TEAD1: variants seen among roughly 807,000 people sequenced by gnomAD.
TEAD1 encodes TEA domain transcription factor 1.
TEAD1 carries 9 observed loss-of-function variants against 54.9 expected under a neutral mutation model. That is an observed-to-expected ratio of 0.16 (90% CI 0.10 to 0.29). The LOEUF (loss-of-function observed/expected upper bound fraction) is 0.29, where lower values mean the gene tolerates loss of function less well. Ranked by LOEUF, TEAD1 falls within the 10% of genes least tolerant of loss-of-function variation. The pLI, the probability that TEAD1 is intolerant of heterozygous loss-of-function variation, is 1.00. For synonymous variants in TEAD1, 200 were observed against 187.8 expected, an observed-to-expected ratio of 1.07 and a Z score of -0.53; for missense variants, 387 against 535.9, an observed-to-expected ratio of 0.72 and a Z score of 2.74.
rs1040708062 is a variant in TEAD1 at position 12,940,280 on chromosome 11, C to G, written c.*3058C>G. The stretch of plus-strand genomic sequence containing the variant: ...TTGGACTGGGTAATTCTTTGTTCTG[C>G]AGAGCTGTCCTTTGCACTGTAGGAG... On this transcript the variant is annotated 3_prime_UTR_variant, in exon 13 of 13. Coordinates refer to ENST00000527636, the MANE Select transcript of TEAD1 (RefSeq NM_021961.6). 3.9e-5 allele frequency: 6 copies of G among 152,246 alleles called. No homozygotes were observed. Among genetic ancestry groups the G allele is most frequent in the Middle Eastern group, 3.1e-3 (1 of 318 alleles). The allele number at this position is 152,246 out of a possible 1,614,324, so 9.4% of individuals were successfully genotyped here.
Position 12,922,386 on chromosome 11 carries a change from C to T in TEAD1, c.874-2526C>T, listed in dbSNP as rs1315507891. On this transcript the variant is annotated intron_variant, in intron 10 of 12. Coordinates refer to ENST00000527636, the MANE Select transcript of TEAD1 (RefSeq NM_021961.6). ...TAATTTTTTGTATTTTTAGTAGAGACGGGGTTTCACCGTTTTAGCCGGGAT... is the reference window on the plus strand; with the variant it reads ...TAATTTTTTGTATTTTTAGTAGAGATGGGGTTTCACCGTTTTAGCCGGGAT... The T allele has an allele frequency of 1.2e-4, 6 of 51,188 alleles. 1 individual carries two copies. Among genetic ancestry groups the T allele is most frequent in the South Asian group, 4.7e-4 (1 of 2,110 alleles). The allele number at this position is 51,188 out of a possible 1,614,324, so 3.2% of individuals were successfully genotyped here. A position where few individuals can be genotyped will look rare whatever the true frequency, so the allele number is the denominator to read the frequency against.
chr11:12,850,911 G>A lies in TEAD1; in HGVS notation c.203-11339G>A, dbSNP rs561492958. On this transcript the variant is annotated intron_variant, in intron 3 of 12. Transcript: ENST00000527636. ...GGTATAGGGCATGAAGAAGCAATGA[G>A]CATGCATTGGTCATAAGAGACGAGA... Among the ~76,000 whole-genome samples the A allele has an allele frequency of 3.3e-5, 5 of 152,286 alleles. No homozygotes were observed. The South Asian group carries it at 8.3e-4, about 25-fold the overall frequency.
chr11:12,695,512 C>G (rs540340573), intron 2 of TEAD1, among the ~76,000 whole-genome samples: 1 of 152,056 alleles, frequency 6.6e-6, no homozygotes, highest in Non-Finnish European at 1.5e-5. Flanking sequence ...AATTGCTTAT[C>G]GTCTCTAGAC....
intron 2 of TEAD1, among the ~76,000 whole-genome samples, chr11:12,685,225 T>C (rs548029908): frequency 2.6e-5 from 4 of 152,184 alleles, no homozygotes; most frequent in Non-Finnish European, 5.9e-5. Context: ...GGTTTCCCAG[T>C]TCTTTAAAAA....
chr11:12,824,288 C>T (rs17409101), intron 3 of TEAD1, among the ~76,000 whole-genome samples: 39,553 of 152,076 alleles, frequency 0.26, 5,531 homozygotes, highest in South Asian at 0.41. Context: ...AATATTCAGC[C>T]GTTGTCTGCA....
At position 12,855,577 on chromosome 11, in the gene TEAD1, TGCGCCTG is replaced by T. The variant is rs1947360304; in HGVS notation, c.203-6672_203-6666del. Among the ~76,000 whole-genome samples the T allele has an allele frequency of 2.6e-5, 4 of 151,584 alleles. No homozygotes were observed. In the South Asian group the frequency reaches 8.4e-4, roughly 32 times the overall value. On this transcript the variant is annotated intron_variant, in intron 3 of 12. Coordinates refer to ENST00000527636, the MANE Select transcript of TEAD1 (RefSeq NM_021961.6). Reference sequence around the variant, plus strand: ...TGCTGGGATTACAGGCATGAGCCATTGCGCCTGACCAGGTTGTTGGCTTTCATATCCT... The same window carrying T: ...TGCTGGGATTACAGGCATGAGCCATTACCAGGTTGTTGGCTTTCATATCCT...
intron 3 of TEAD1, among the ~76,000 whole-genome samples, chr11:12,785,954 C>A (rs1454039631): frequency 1.3e-5 from 2 of 152,124 alleles, no homozygotes; most frequent in Non-Finnish European, 2.9e-5. Context: ...TGGTAACATA[C>A]AAATCACGAG....
chr11:12,798,327 G>A (rs943006554), intron 3 of TEAD1, among the ~76,000 whole-genome samples: 4 of 152,026 alleles, frequency 2.6e-5, no homozygotes, highest in African/African-American at 9.7e-5. Context: ...CCTTTTGACT[G>A]GAAGAGTACT....
intron 3 of TEAD1, among the ~76,000 whole-genome samples, chr11:12,779,167 G>A (rs187550491): frequency 6.6e-6 from 1 of 152,130 alleles, no homozygotes; most frequent in Non-Finnish European, 1.5e-5. Context: ...AGTTTTAGTT[G>A]TCTGAAAATC....
intron 3 of TEAD1, among the ~76,000 whole-genome samples, chr11:12,799,186 G>C (rs1017983044): frequency 6.6e-6 from 1 of 152,178 alleles, no homozygotes; most frequent in Non-Finnish European, 1.5e-5. Flanking sequence ...AGTTCCAGGC[G>C]TTTATCTCAG....
At chr11:12,722,929 A>G (rs1322809280) in intron 2 of TEAD1, among the ~76,000 whole-genome samples, 2 of 152,130 alleles carry the variant, frequency 1.3e-5, no homozygotes, top group Admixed American at 1.3e-4. Flanking sequence ...CTATCATCCC[A>G]CAGGCTGAAT....
At chr11:12,817,758 C>T (rs1158807475) in intron 3 of TEAD1, among the ~76,000 whole-genome samples, 1 of 152,150 alleles carries the variant, frequency 6.6e-6, no homozygotes, top group Non-Finnish European at 1.5e-5. Context: ...TCACAGTAGC[C>T]CAGCACATGG....
intron 2 of TEAD1, among the ~76,000 whole-genome samples, chr11:12,677,204 A>G (rs1943113665): frequency 6.6e-6 from 1 of 152,070 alleles, no homozygotes; most frequent in Non-Finnish European, 1.5e-5. Flanking sequence ...TCACCATGAC[A>G]TATACTTAAT....
At chr11:12,766,075 T>G (rs997828118) in intron 3 of TEAD1, among the ~76,000 whole-genome samples, 2 of 152,204 alleles carry the variant, frequency 1.3e-5, no homozygotes, top group Non-Finnish European at 2.9e-5. Flanking sequence ...TCTCATTTGC[T>G]TACCCAAAAA....
At chr11:12,709,714 G>A (rs1052194779) in intron 2 of TEAD1, among the ~76,000 whole-genome samples, 6 of 152,006 alleles carry the variant, frequency 3.9e-5, no homozygotes, top group African/African-American at 1.2e-4. Flanking sequence ...GTAGGGATAG[G>A]GTCTTGCTCT....
At position 12,933,058 on chromosome 11, in the gene TEAD1, C is replaced by T. The variant is rs192848258; in HGVS notation, c.1167+2732C>T. On this transcript the variant is annotated intron_variant, in intron 12 of 12. Coordinates refer to ENST00000527636, the MANE Select transcript of TEAD1 (RefSeq NM_021961.6). Reference sequence around the variant, plus strand: ...AGCCTAGGTGTGTAGTAGGCTGTACCGTCTAGGTCTGAGTAAGTACACTCT... The same window carrying T: ...AGCCTAGGTGTGTAGTAGGCTGTACTGTCTAGGTCTGAGTAAGTACACTCT... 2.8e-4 allele frequency among the ~76,000 whole-genome samples: 42 copies of T among 152,172 alleles called. 1 individual carries two copies. The highest frequency in any genetic ancestry group is 8.8e-5 in the Non-Finnish European group (6 of 68,012).
rs575866067 is a variant in TEAD1 at position 12,773,194 on chromosome 11, T to A, written c.202+8760T>A. ...TTCTGCTGTTCAAGGGCATCTGGGC[T>A]GATTCCAGTGTTCAGGCATTTCAAA... On this transcript the variant is annotated intron_variant, in intron 3 of 12. Transcript: ENST00000527636. Among the ~76,000 whole-genome samples the A allele has an allele frequency of 3.3e-5, 5 of 152,360 alleles. No individual in the cohort carries two copies. In the East Asian group the frequency reaches 9.6e-4, roughly 29 times the overall value.
intron 10 of TEAD1, among the ~76,000 whole-genome samples, chr11:12,910,725 G>A (rs1031240738): frequency 2.0e-5 from 3 of 146,490 alleles, no homozygotes; most frequent in Admixed American, 6.8e-5. Context: ...AAACAATACT[G>A]TCTACATAGT....
chr11:12,911,555 T>C (rs1234230549), intron 10 of TEAD1, among the ~76,000 whole-genome samples: 1 of 152,162 alleles, frequency 6.6e-6, no homozygotes, highest in Admixed American at 6.6e-5. Context: ...TAAAGTTAAC[T>C]GAACAATATT....
Sources: allele counts gnomAD v4.1 joint callset (sites outside exome capture counted in the v4.1 genomes callset), GRCh38; gene constraint gnomAD v4.1.1; transcripts MANE v1.5; gene names NCBI Gene and HGNC (gene_info 2026-07-23, HGNC 2026-07-21).